Variants in PATJ observed in about 807,000 individuals in gnomAD.
The protein encoded by PATJ is inaD-like protein.
In PATJ, 190 loss-of-function variants were observed where a neutral mutation model predicts 224.9. The ratio of observed to expected loss-of-function variants is 0.84; its 90% CI spans 0.75 to 0.95. PATJ has a LOEUF of 0.95. Ranked by LOEUF, PATJ falls within the 40% of genes least tolerant of loss-of-function variation. The pLI, the probability that PATJ is intolerant of heterozygous loss-of-function variation, is 0.00. For synonymous variants in PATJ, 769 were observed against 820.3 expected, an observed-to-expected ratio of 0.94 and a Z score of 1.07; for missense variants, 2,121 against 2,270.3, an observed-to-expected ratio of 0.93 and a Z score of 1.34.
chr1:62,009,753 A>G (rs898789708), intron 28 of PATJ, among the ~76,000 whole-genome samples: 4 of 152,126 alleles, frequency 2.6e-5, no homozygotes, highest in African/African-American at 7.2e-5. Flanking sequence ...TCATTTCAAC[A>G]ATGTTCAAAG....
At chr1:62,073,049 G>A (rs1657710356) in intron 31 of PATJ, 1 of 985,266 alleles carries the variant, frequency 1.0e-6, no homozygotes, top group Non-Finnish European at 1.2e-6. Flanking sequence ...ATTGGTCAGG[G>A]CATGGTGGCA....
chr1:61,869,097 A>ATTTTTTTTTT (rs113334846), intron 20 of PATJ, among the ~76,000 whole-genome samples: 1 of 125,512 alleles, frequency 8.0e-6, no homozygotes, highest in African/African-American at 3.1e-5. Context: ...TGGAAATAAC[A>ATTTTTTTTTT]TTTTTTTTTT....
chr1:61,821,786 G>A (rs182598298), intron 14 of PATJ, among the ~76,000 whole-genome samples: 14 of 152,192 alleles, frequency 9.2e-5, no homozygotes, highest in Non-Finnish European at 1.8e-4. Context: ...ATCATCATGA[G>A]TACCATTTAC....
intron 27 of PATJ, among the ~76,000 whole-genome samples, chr1:61,928,473 A>G (rs912823815): frequency 2.8e-4 from 43 of 152,178 alleles, no homozygotes; most frequent in Non-Finnish European, 5.9e-5. Context: ...TGACTTATAC[A>G]TTGTAAACTG....
intron 31 of PATJ, among the ~76,000 whole-genome samples, chr1:62,070,773 G>C (rs922248997): frequency 3.3e-5 from 5 of 152,056 alleles, no homozygotes; most frequent in South Asian, 2.1e-4. Context: ...GATAAGTCTG[G>C]CCCCCCAAAA....
At chr1:61,999,891 T>G (rs549707926) in intron 28 of PATJ, among the ~76,000 whole-genome samples, 13 of 152,190 alleles carry the variant, frequency 8.5e-5, no homozygotes, top group East Asian at 3.9e-4. Flanking sequence ...GTTGTTTTTT[T>G]GGGTTTTTTT....
intron 16 of PATJ, among the ~76,000 whole-genome samples, chr1:61,830,148 T>C (rs1369773084): frequency 1.3e-5 from 2 of 152,156 alleles, no homozygotes; most frequent in African/African-American, 2.4e-5. Context: ...CTAGATCTGA[T>C]AAACAACTTC....
chr1:61,897,871 G>T (rs1367767686), intron 22 of PATJ, among the ~76,000 whole-genome samples: 1 of 152,062 alleles, frequency 6.6e-6, no homozygotes, highest in East Asian at 1.9e-4. Flanking sequence ...CTAATGCTGT[G>T]ATACTTTCAA....
Position 61,820,645 on chromosome 1 carries a change from A to C in PATJ, c.1684-2300A>C, listed in dbSNP as rs114220424. ...GTGTGAGCTACCACACCCGGCCTAC[A>C]TTTATTTTTATTAATTGTAACTTTA... is the stretch of plus-strand genomic sequence containing the variant. On this transcript the variant is annotated intron_variant, in intron 14 of 43. Coordinates refer to ENST00000642238, the MANE Select transcript of PATJ (RefSeq NM_001350145.3). Among the ~76,000 whole-genome samples, 500 of 152,316 alleles carry C rather than the reference A, an allele frequency of 3.3e-3. 4 individuals are homozygous for C. The highest frequency in any genetic ancestry group is 0.012 in the African/African-American group (485 of 41,566).
At chr1:62,031,114 C>T (rs1319828815) in intron 29 of PATJ, among the ~76,000 whole-genome samples, 3 of 152,204 alleles carry the variant, frequency 2.0e-5, no homozygotes, top group Non-Finnish European at 4.4e-5. Context: ...ATTTCTTTCT[C>T]ATGTTACATA....
At chr1:61,846,403 T>A (rs1348522961) in intron 17 of PATJ, among the ~76,000 whole-genome samples, 1 of 152,252 alleles carries the variant, frequency 6.6e-6, no homozygotes, top group African/African-American at 2.4e-5. Flanking sequence ...TTTATATGTC[T>A]GTACTTTCCC....
At chr1:61,810,735 TAAATAAATAAAC>T (rs545540396) in intron 14 of PATJ, among the ~76,000 whole-genome samples, 440 of 149,712 alleles carry the variant, frequency 2.9e-3, no homozygotes, top group African/African-American at 0.01. Flanking sequence ...AATAAATAAA[TAAATAAATAAAC>T]CCAGTCTGTA....
At chr1:62,079,717 A>G in intron 32 of PATJ, 150 bp downstream of exon 32, 3 of 634,596 alleles carry the variant, frequency 4.7e-6, no homozygotes, top group Non-Finnish European at 8.5e-6. Flanking sequence ...TGGATAGGTC[A>G]CTTCATTTCC....
At chr1:61,897,036 G>A (rs758667176) in intron 22 of PATJ, among the ~76,000 whole-genome samples, 29 of 145,722 alleles carry the variant, frequency 2.0e-4, no homozygotes, top group African/African-American at 6.5e-4. Context: ...ACATCAATAC[G>A]ATGGCCTATT....
At chr1:62,130,724 G>A (rs1404047191) in intron 41 of PATJ, among the ~76,000 whole-genome samples, 3 of 151,854 alleles carry the variant, frequency 2.0e-5, no homozygotes, top group African/African-American at 4.8e-5. Flanking sequence ...GGTGGCGGGC[G>A]CCTATAGTCC....
At chr1:62,151,992 A>G (rs982845090) in intron 42 of PATJ, among the ~76,000 whole-genome samples, 5 of 152,208 alleles carry the variant, frequency 3.3e-5, no homozygotes, top group African/African-American at 1.2e-4. Flanking sequence ...TTGAAAAGCT[A>G]AATTTTACAT....
chr1:61,824,685 A>G (rs1570727824), intron 15 of PATJ, among the ~76,000 whole-genome samples: 1 of 152,084 alleles, frequency 6.6e-6, no homozygotes, highest in East Asian at 1.9e-4. Flanking sequence ...TCGGCCTCCC[A>G]AAGTACTGGA....
chr1:61,912,742 TA>T (rs1226648458), intron 25 of PATJ, among the ~76,000 whole-genome samples: 1 of 150,882 alleles, frequency 6.6e-6, no homozygotes, highest in African/African-American at 2.4e-5. Context: ...GAAGGCAGCG[TA>T]AACATTGTGA....
In PATJ at chr1:62,148,405, T is replaced by G. The variant is rs761190948; in HGVS notation, c.5378+15T>G. 3.9e-6 allele frequency: 6 copies of G among 1,558,040 alleles called. No homozygotes were observed. In the African/African-American group the frequency reaches 8.1e-5, roughly 21 times the overall value. ...GAAGACACAGAGTGAGTATTTCAGA[T>G]GCAGAGGGCCTATTATGCATGTGGG... On this transcript the variant is annotated intron_variant, in intron 42 of 43. Coordinates refer to ENST00000642238, the MANE Select transcript of PATJ (RefSeq NM_001350145.3).
Sources: gnomAD v4.1 joint callset for allele counts (sites outside exome capture counted in the v4.1 genomes callset) on GRCh38, gnomAD v4.1.1 for gene constraint, MANE v1.5 for transcripts, NCBI Gene and HGNC (gene_info 2026-07-23, HGNC 2026-07-21) for gene names.